Variants in PLEKHS1 observed in about 807,000 individuals in gnomAD.
PLEKHS1 encodes pleckstrin homology domain containing S1.
Under a neutral mutation model 51.0 loss-of-function variants are expected in PLEKHS1, and 55 were observed. The ratio of observed to expected loss-of-function variants is 1.08; its 90% CI spans 0.87 to 1.35. PLEKHS1 has a LOEUF of 1.35. Ranked by LOEUF, PLEKHS1 falls within the 40% of genes most tolerant of loss-of-function variation. PLEKHS1 has a pLI of 0.00. For synonymous variants in PLEKHS1, 153 were observed against 144.8 expected (o/e 1.06, Z -0.41); for missense variants, 398 against 423.0 (o/e 0.94, Z 0.52).
intron 2 of PLEKHS1, among the ~76,000 whole-genome samples, chr10:113,762,885 G>A (rs1844004214): frequency 6.6e-6 from 1 of 152,030 alleles, no homozygotes; most frequent in South Asian, 2.1e-4. Flanking sequence ...CAAAATTGAA[G>A]AGAAGGGAAT....
At chr10:113,775,142 C>A in intron 10 of PLEKHS1, 107 bp downstream of exon 10, 1 of 1,089,744 alleles carries the variant, frequency 9.2e-7, no homozygotes, top group Non-Finnish European at 1.3e-6. Flanking sequence ...TCCTAAAAAT[C>A]TCCAAGTCAG....
chr10:113,782,458 C>T (rs1844891005), downstream of PLEKHS1: 1 of 152,178 alleles, frequency 6.6e-6, no homozygotes, highest in African/African-American at 2.4e-5. Flanking sequence ...GTGTCCCTAA[C>T]AAATCCCATG....
At chr10:113,765,739 GT>G (rs951984989) in intron 2 of PLEKHS1, among the ~76,000 whole-genome samples, 7 of 152,024 alleles carry the variant, frequency 4.6e-5, no homozygotes, top group Non-Finnish European at 7.4e-5. Flanking sequence ...TGTTATTTTT[GT>G]TTTCATTTTG....
intron 2 of PLEKHS1, among the ~76,000 whole-genome samples, chr10:113,758,870 TATG>T (rs1167048861): frequency 2.6e-5 from 4 of 152,072 alleles, no homozygotes; most frequent in Non-Finnish European, 4.4e-5. Flanking sequence ...CTCTAATAGA[TATG>T]ATGATGATGA....
intron 2 of PLEKHS1, 156 bp downstream of exon 2, chr10:113,755,461 G>A: frequency 1.5e-6 from 2 of 1,334,992 alleles, no homozygotes; most frequent in South Asian, 3.5e-5. Flanking sequence ...GCGTAGGCTG[G>A]AGTACAGTGG....
At chr10:113,779,528 C>G (rs1490170786) in intron 11 of PLEKHS1, among the ~76,000 whole-genome samples, 2 of 151,246 alleles carry the variant, frequency 1.3e-5, no homozygotes, top group African/African-American at 4.9e-5. Context: ...CGAGATTGCA[C>G]CATTGCACTC....
intron 11 of PLEKHS1, chr10:113,777,943 T>C (rs1469353042): frequency 1.1e-5 from 5 of 437,888 alleles, no homozygotes; most frequent in South Asian, 2.4e-5. Context: ...TGTGCTATGA[T>C]TGCACCACTG....
chr10:113,767,324 C>G (rs546667442), intron 4 of PLEKHS1, 21 bp from the exon 5 acceptor site: 3 of 1,554,228 alleles, frequency 1.9e-6, no homozygotes, highest in Non-Finnish European at 2.6e-6. Flanking sequence ...TGGTTTAATA[C>G]TTTGTGTCTA....
intron 2 of PLEKHS1, among the ~76,000 whole-genome samples, chr10:113,762,901 T>C (rs1157821179): frequency 6.6e-6 from 1 of 152,066 alleles, no homozygotes; most frequent in African/African-American, 2.4e-5. Context: ...GGAATATTTC[T>C]CTACTCATTC....
At position 113,771,964 on chromosome 10, in the gene PLEKHS1, C is replaced by T; in HGVS notation, c.553-6C>T. The T allele has an allele frequency of 6.2e-7, 1 of 1,602,010 alleles. No individual in the cohort carries two copies. The highest frequency in any genetic ancestry group is 8.5e-7 in the Non-Finnish European group (1 of 1,177,126). ...AAAGCAAAGCATTTTTATCTCTTTT[C>T]TTCAGCATTTAATGGAACAAAGTTC... On this transcript the variant is annotated splice_polypyrimidine_tract_variant and splice_region_variant and intron_variant, in intron 7 of 11. Transcript: ENST00000361048.
rs117996254 is a variant in PLEKHS1, at chr10:113,772,672, G to A, written c.672+583G>A. Among the ~76,000 whole-genome samples, 160 of 152,296 alleles carry A rather than the reference G, an allele frequency of 1.1e-3. 1 individual carries two copies. In the East Asian group the frequency reaches 0.023, roughly 22 times the overall value. On this transcript the variant is annotated intron_variant, in intron 8 of 11. Transcript: ENST00000361048. ...TAACGCTGCACAAAAGACGTGGTCC[G>A]TGTGCTCTGGAAGCAATAGAAAAAG...
At position 113,775,826 on chromosome 10, in the gene PLEKHS1, A is replaced by G. The variant is rs186635215; in HGVS notation, c.1051A>G (p.Ile351Val). ...CGTTTTCCTTTCTCCTCCTGATGTC[A>G]TCAACTATCTTGCTCTCACAGAAGC... is the stretch of plus-strand genomic sequence containing the variant. The change falls in exon 11 of 12, where the codon ATC becomes GTC. Residue 351 changes from isoleucine (I) to valine (V), a missense_variant. Physicochemically the swap from Ile to Val is conservative, Grantham distance 29 (BLOSUM62 3). Coordinates refer to ENST00000361048, the Ensembl canonical transcript of PLEKHS1. 27 of 1,613,226 alleles carry G rather than the reference A, an allele frequency of 1.7e-5. No homozygotes were observed. The highest frequency in any genetic ancestry group is 2.3e-5 in the Non-Finnish European group (27 of 1,179,626).
At chr10:113,771,766 G>GT (rs560288808) in intron 7 of PLEKHS1, among the ~76,000 whole-genome samples, 88 of 151,960 alleles carry the variant, frequency 5.8e-4, no homozygotes, top group Middle Eastern at 6.8e-3. Context: ...AAAAGCCTGA[G>GT]TGATGTGCTT....
downstream of PLEKHS1, chr10:113,782,669 T>A (rs1306540342): frequency 6.6e-6 from 1 of 152,620 alleles, no homozygotes; most frequent in Admixed American, 6.5e-5. Flanking sequence ...TCCTGCCGTG[T>A]AAGATGCCTG....
chr10:113,780,716 C>T (rs1345362724), exon 12 of PLEKHS1: 4 of 1,608,886 alleles, frequency 2.5e-6, no homozygotes, highest in East Asian at 4.5e-5. Context: ...TAAGCCTAGA[C>T]TGAACAGAGC....
At chr10:113,774,948 T>C (rs1487186515) in exon 10 of PLEKHS1, 2 of 1,614,178 alleles carry the variant, frequency 1.2e-6, no homozygotes, top group Non-Finnish European at 1.7e-6. Context: ...GATTGGTGTC[T>C]TTCCCCTGCC....
chr10:113,776,900 G>C (rs1258209238), intron 11 of PLEKHS1, among the ~76,000 whole-genome samples: 1 of 152,214 alleles, frequency 6.6e-6, no homozygotes, highest in African/African-American at 2.4e-5. Flanking sequence ...GGAATGGGAT[G>C]TAGGATTTCA....
chr10:113,783,340 G>A (rs1016286299), downstream of PLEKHS1: 2 of 152,162 alleles, frequency 1.3e-5, no homozygotes, highest in South Asian at 2.1e-4. Context: ...AAAATTGTTC[G>A]TGATACATTA....
intron 2 of PLEKHS1, among the ~76,000 whole-genome samples, chr10:113,758,872 T>C (rs1422345078): frequency 1.3e-5 from 2 of 152,180 alleles, no homozygotes; most frequent in East Asian, 3.9e-4. Context: ...CTAATAGATA[T>C]GATGATGATG....
Sources: gnomAD v4.1 joint callset for allele counts (sites outside exome capture counted in the v4.1 genomes callset) on GRCh38, gnomAD v4.1.1 for gene constraint, MANE v1.5 for transcripts, NCBI Gene and HGNC (gene_info 2026-07-23, HGNC 2026-07-21) for gene names.